NNT: variants seen among roughly 807,000 people sequenced by gnomAD.
NNT encodes the protein NAD(P) transhydrogenase, mitochondrial.
In NNT, 50 loss-of-function variants were observed where a neutral mutation model predicts 104.8. The observed-to-expected ratio is 0.48, with a 90% CI of 0.38 to 0.60. The LOEUF (loss-of-function observed/expected upper bound fraction) is 0.60. Among genes scored for constraint, NNT ranks in the 20% least tolerant of loss-of-function variants. The pLI is 0.00. For missense variants in NNT, 1,131 were observed against 1,330.7 expected (o/e 0.85, Z 2.33); for synonymous variants, 461 against 490.4 (o/e 0.94, Z 0.79).
chr5:43,631,274 C>A (rs1301656378), intron 7 of NNT, among the ~76,000 whole-genome samples: 1 of 152,086 alleles, frequency 6.6e-6, no homozygotes, highest in African/African-American at 2.4e-5. Context: ...AGACAAACCC[C>A]GGACCCAGGA....
intron 19 of NNT, 93 bp from the exon 20 acceptor site, chr5:43,700,026 A>C: frequency 1.1e-6 from 1 of 913,862 alleles, no homozygotes; most frequent in Non-Finnish European, 1.7e-6. Context: ...AGAGGTGCCA[A>C]GAACAAAGTG....
In NNT at chr5:43,648,234, T is replaced by A. The variant is rs1739555723; in HGVS notation, c.1445-913T>A. 4 of 1,044,328 alleles carry A rather than the reference T, an allele frequency of 3.8e-6. No homozygotes were observed. The African/African-American group carries it at 6.7e-5, about 17-fold the overall frequency. 64.7% of individuals were successfully genotyped at this position (1,044,328 alleles called of 1,614,324 possible). A position where few individuals can be genotyped will look rare whatever the true frequency, so the allele number is the denominator to read the frequency against. On this transcript the variant is annotated intron_variant, in intron 10 of 21. Coordinates refer to ENST00000344920, the MANE Select transcript of NNT (RefSeq NM_182977.3). ...CATATTGAATGATTTAATGTAAAAT[T>A]AATGTCAATCCCTAGATATTCCAGT...
At chr5:43,675,467 G>C in intron 17 of NNT, 44 bp from the exon 18 acceptor site, 2 of 1,556,224 alleles carry the variant, frequency 1.3e-6, no homozygotes, top group Admixed American at 1.9e-5. Context: ...TTCTCACAAA[G>C]TTATGTGTGT....
At chr5:43,700,841 T>C (rs1221815301) in intron 20 of NNT, among the ~76,000 whole-genome samples, 3 of 152,236 alleles carry the variant, frequency 2.0e-5, no homozygotes, top group Non-Finnish European at 4.4e-5. Flanking sequence ...ATATCCACTG[T>C]AAACTTAAAA....
In NNT at chr5:43,704,751, T is replaced by C; in HGVS notation, c.*347T>C. 4.8e-6 allele frequency: 1 copy of C among 207,044 alleles called. No homozygotes were observed. Among genetic ancestry groups the C allele is most frequent in the Non-Finnish European group, 9.8e-6 (1 of 102,210 alleles). 12.8% of individuals were successfully genotyped at this position (207,044 alleles called of 1,614,324 possible). On this transcript the variant is annotated 3_prime_UTR_variant, in exon 22 of 22. Coordinates refer to ENST00000344920, the MANE Select transcript of NNT (RefSeq NM_182977.3). ...GAAATGTTTTAAAAAACTAAGTGTT[T>C]AGGATTTCAAGACAACATTATACAT... is the stretch of plus-strand genomic sequence containing the variant.
chr5:43,607,586 T>A (rs1040617767), intron 1 of NNT, among the ~76,000 whole-genome samples: 1 of 152,200 alleles, frequency 6.6e-6, no homozygotes, highest in African/African-American at 2.4e-5. Context: ...TGGTGGTCTC[T>A]TCACACGGAC....
chr5:43,651,107 T>A (rs1426840033), intron 12 of NNT, among the ~76,000 whole-genome samples: 1 of 152,228 alleles, frequency 6.6e-6, no homozygotes, highest in South Asian at 2.1e-4. Flanking sequence ...TGTAACAACC[T>A]ACTAGGAAAA....
chr5:43,631,980 A>G (rs1033510174), intron 7 of NNT, among the ~76,000 whole-genome samples: 2 of 151,852 alleles, frequency 1.3e-5, no homozygotes, highest in Non-Finnish European at 2.9e-5. Context: ...AAAAAAAAAA[A>G]AAAAAAAAGG....
intron 19 of NNT, among the ~76,000 whole-genome samples, chr5:43,691,257 T>A (rs1009812159): frequency 6.6e-6 from 1 of 152,190 alleles, no homozygotes; most frequent in African/African-American, 2.4e-5. Flanking sequence ...TGTGCCATCA[T>A]GCCCAGCTAA....
chr5:43,653,227 G>T lies in NNT; in HGVS notation c.2059+14G>T, dbSNP rs780330546. ...GTGGTACCATTGGTAAGCACTTGTG[G>T]GCTTCTGCCTTCATGTGAACTCCAG... On this transcript the variant is annotated intron_variant, in intron 14 of 21. Transcript: ENST00000344920. The T allele has an allele frequency of 3.1e-6, 5 of 1,601,176 alleles. No individual in the cohort carries two copies. In the Admixed American group the frequency reaches 6.8e-5, roughly 22 times the overall value.
intron 17 of NNT, among the ~76,000 whole-genome samples, chr5:43,666,586 G>C (rs1251156950): frequency 6.6e-6 from 1 of 150,940 alleles, no homozygotes; most frequent in Non-Finnish European, 1.5e-5. Context: ...ACCGAGCAGA[G>C]AGGGAGGGGG....
In NNT at chr5:43,659,291, A is replaced by G. The variant is rs199783437; in HGVS notation, c.2575A>G (p.Thr859Ala). ...EGFLLNNNLL[T>A]IVGALIGSSG... ...CTTCCTGCTCAACAACAATCTGCTG[A>G]CCATCGTGGGTGCACTCATAGGCTC... Residue 859 changes from threonine to alanine, a missense_variant, in exon 17 of 22, where the codon ACC becomes GCC. Coordinates refer to ENST00000344920, the MANE Select transcript of NNT (RefSeq NM_182977.3). 6.2e-7 allele frequency: 1 copy of G among 1,613,986 alleles called. No individual in the cohort carries two copies. Among genetic ancestry groups the G allele is most frequent in the Non-Finnish European group, 8.5e-7 (1 of 1,180,004 alleles).
intron 14 of NNT, among the ~76,000 whole-genome samples, chr5:43,654,102 A>T (rs1739915047): frequency 6.6e-6 from 1 of 152,226 alleles, no homozygotes; most frequent in Admixed American, 6.5e-5. Context: ...TTAATTTACT[A>T]GGTTTTATTG....
chr5:43,644,138 T>C (rs1751380635), intron 7 of NNT, 54 bp from the exon 8 acceptor site: 11 of 1,502,698 alleles, frequency 7.3e-6, no homozygotes, highest in Non-Finnish European at 1.0e-5. Flanking sequence ...AATTAGACTT[T>C]AAGGTGTTAG....
intron 17 of NNT, among the ~76,000 whole-genome samples, chr5:43,666,570 G>C (rs57983993): frequency 6.7e-6 from 1 of 149,630 alleles, no homozygotes; most frequent in East Asian, 2.0e-4. Flanking sequence ...TCGGCATCAG[G>C]GGGAGACCGA....
chr5:43,697,417 C>G (rs1302269559), intron 19 of NNT, among the ~76,000 whole-genome samples: 1 of 152,202 alleles, frequency 6.6e-6, no homozygotes, highest in Non-Finnish European at 1.5e-5. Context: ...CAACAAGTCT[C>G]TAGGGAGTTC....
In NNT at chr5:43,644,671, C is replaced by T. The variant is rs777966962; in HGVS notation, c.1159C>T (p.Leu387=). 2.5e-6 allele frequency: 4 copies of T among 1,614,058 alleles called. No homozygotes were observed. Among genetic ancestry groups the T allele is most frequent in the Non-Finnish European group, 3.4e-6 (4 of 1,180,034 alleles). The change falls in exon 9 of 22, where the codon CTA becomes TTA. Residue 387 remains leucine, a synonymous_variant. Coordinates refer to ENST00000344920, the MANE Select transcript of NNT (RefSeq NM_182977.3). The part of the protein sequence containing the change: ...PSRMATQAST[L]YSNNITKLLK... Reference sequence around the variant, plus strand: ...CCGAATGGCCACTCAGGCCAGCACCCTATATTCCAACAACATCACCAAACT... The same window carrying T: ...CCGAATGGCCACTCAGGCCAGCACCTTATATTCCAACAACATCACCAAACT...
At chr5:43,681,755 G>T (rs896116966) in intron 19 of NNT, among the ~76,000 whole-genome samples, 1 of 152,146 alleles carries the variant, frequency 6.6e-6, no homozygotes. Context: ...TTAATGTTCT[G>T]CTATATCCTT....
intron 17 of NNT, among the ~76,000 whole-genome samples, chr5:43,669,055 G>T (rs1439354788): frequency 2.6e-5 from 4 of 152,144 alleles, no homozygotes; most frequent in African/African-American, 9.7e-5. Flanking sequence ...GTGAATGGGA[G>T]TTCAGTCATG....
Sources: allele counts gnomAD v4.1 joint callset (sites outside exome capture counted in the v4.1 genomes callset), GRCh38; gene constraint gnomAD v4.1.1; transcripts MANE v1.5; gene names NCBI Gene and HGNC (gene_info 2026-07-23, HGNC 2026-07-21).